Variants in TBX1 observed in about 807,000 individuals in gnomAD.
TBX1 encodes T-box transcription factor TBX1.
A neutral mutation model predicts 40.8 loss-of-function variants in TBX1; 16 were observed. The ratio of observed to expected loss-of-function variants is 0.39; its 90% CI spans 0.27 to 0.60. The LOEUF (loss-of-function observed/expected upper bound fraction) is 0.60, where lower values mean the gene tolerates loss of function less well. TBX1 is among the 20% of genes least tolerant of loss of function. The probability of loss-of-function intolerance (pLI) is 0.51; values close to 1 mark genes in which losing one functional copy is unlikely to be tolerated. For synonymous variants in TBX1, 403 were observed against 336.8 expected, an observed-to-expected ratio of 1.20 and a Z score of -2.15; for missense variants, 755 against 728.5, an observed-to-expected ratio of 1.04 and a Z score of -0.42.
chr22:19,766,060 G>A (rs1005796787), intron 6 of TBX1, 58 bp downstream of exon 6: 4 of 1,372,128 alleles, frequency 2.9e-6, no homozygotes, highest in African/African-American at 1.5e-5. Flanking sequence ...ACCCCGGGCC[G>A]GCGGCCTCGC....
upstream of TBX1, among the ~76,000 whole-genome samples, chr22:19,756,993 ATGGAGGCGG>A (rs1169586132): frequency 6.6e-6 from 1 of 152,158 alleles, no homozygotes; most frequent in South Asian, 2.1e-4. Flanking sequence ...CTGCTGCGCG[ATGGAGGCGG>A]TGGAGGCGGC....
chr22:19,757,894 G>C (rs1294433661), upstream of TBX1, among the ~76,000 whole-genome samples: 4 of 152,200 alleles, frequency 2.6e-5, no homozygotes, highest in Non-Finnish European at 5.9e-5. Context: ...ATGCACTAAG[G>C]ACAGCTTCCC....
chr22:19,770,772 G>A (rs1601299955), downstream of TBX1, among the ~76,000 whole-genome samples: 4 of 152,182 alleles, frequency 2.6e-5, no homozygotes, highest in Admixed American at 2.0e-4. Context: ...AGAATTCCAC[G>A]TAGCCACAGT....
chr22:19,768,327 G>A (rs149112266), downstream of TBX1, among the ~76,000 whole-genome samples: 3 of 152,332 alleles, frequency 2.0e-5, no homozygotes, highest in Admixed American at 1.3e-4. Context: ...CCACCCTCGC[G>A]GACCTGTTTT....
downstream of TBX1, among the ~76,000 whole-genome samples, chr22:19,780,211 C>T (rs1937125959): frequency 6.6e-6 from 1 of 152,214 alleles, no homozygotes; most frequent in African/African-American, 2.4e-5. Context: ...GCAGCCATCA[C>T]CACCAGCCAT....
intron 6 of TBX1, 181 bp downstream of exon 6, chr22:19,766,183 C>T: frequency 1.5e-6 from 1 of 685,092 alleles, no homozygotes. Flanking sequence ...GCGCCCCGCC[C>T]GCCGCCGCCG....
chr22:19,774,734 A>G (rs1937039586), intron 8 of TBX1, among the ~76,000 whole-genome samples: 3 of 152,200 alleles, frequency 2.0e-5, no homozygotes, highest in Admixed American at 2.0e-4. Flanking sequence ...CACATTTTGT[A>G]CTGTACAATT....
Position 19,766,434 on chromosome 22 carries a change from C to A in TBX1, c.1082C>A (p.Pro361Gln). 2 of 1,349,428 alleles carry A rather than the reference C, an allele frequency of 1.5e-6. No individual in the cohort carries two copies. Among genetic ancestry groups the A allele is most frequent in the Non-Finnish European group, 1.9e-6 (2 of 1,045,890 alleles). The allele number at this position is 1,349,428 out of a possible 1,614,324, so 83.6% of individuals were successfully genotyped here. A position where few individuals can be genotyped will look rare whatever the true frequency, so the allele number is the denominator to read the frequency against. ...GAATTCCAGCGCGACGCGGGCGGGC[C>A]AGCAGTGCTCGGGGACCCGGCGCAT... ...RREFQRDAGG[P>Q]AVLGDPAHPP... The change falls in exon 7 of 7, where the codon CCA becomes CAA. Residue 361 changes from proline (P) to glutamine (Q), a missense_variant. Coordinates refer to ENST00000649276, the MANE Select transcript of TBX1 (RefSeq NM_001379200.1).
At chr22:19,758,166 G>C (rs1434971307), upstream of TBX1, among the ~76,000 whole-genome samples, 2 of 152,202 alleles carry the variant, frequency 1.3e-5, no homozygotes, top group Non-Finnish European at 2.9e-5. Context: ...CCCAGGGTCT[G>C]AGGTCCTGAG....
chr22:19,760,679 GT>G (rs1936621171), upstream of TBX1, among the ~76,000 whole-genome samples: 1 of 131,034 alleles, frequency 7.6e-6, no homozygotes, highest in South Asian at 2.5e-4. Flanking sequence ...CCGCGCGGGG[GT>G]GGGGGGGCCC....
At chr22:19,761,322 T>C in intron 1 of TBX1, 42 bp downstream of exon 1, 1 of 1,516,450 alleles carries the variant, frequency 6.6e-7, no homozygotes, top group Non-Finnish European at 8.9e-7. Context: ...CCCCACGTGC[T>C]GCCGCCAGGG....
Position 19,761,292 on chromosome 22 carries a change from C to A in TBX1, c.437+12C>A. 6.5e-7 allele frequency: 1 copy of A among 1,538,706 alleles called. No homozygotes were observed. Among genetic ancestry groups the A allele is most frequent in the Non-Finnish European group, 8.8e-7 (1 of 1,139,620 alleles). On this transcript the variant is annotated intron_variant, in intron 1 of 6. Transcript: ENST00000649276. Reference sequence around the variant, plus strand: ...ACCAAGGCCGGCAGGTCAGGGCGCCCCTCCCCACGCCGCGACCCTCCCCAC... The same window carrying A: ...ACCAAGGCCGGCAGGTCAGGGCGCCACTCCCCACGCCGCGACCCTCCCCAC...
At chr22:19,763,164 G>C in intron 1 of TBX1, 77 bp from the exon 2 acceptor site, 1 of 1,216,100 alleles carries the variant, frequency 8.2e-7, no homozygotes. Flanking sequence ...GCCGAGCAGA[G>C]GGGCCGCCAG....
At chr22:19,780,776 G>GGTTTTT (rs1555898567), downstream of TBX1, among the ~76,000 whole-genome samples, 226 of 119,050 alleles carry the variant, frequency 1.9e-3, 7 homozygotes, top group African/African-American at 7.2e-3. Flanking sequence ...CTTGTTTTCT[G>GGTTTTT]TTTTTTTTTT....
chr22:19,760,601 T>C (rs1230911184), upstream of TBX1, among the ~76,000 whole-genome samples: 2 of 115,050 alleles, frequency 1.7e-5, no homozygotes, highest in South Asian at 3.1e-4. Context: ...GCGGGCGGGC[T>C]GGGGGCCGGG....
chr22:19,760,207 C>A (rs1601280961), upstream of TBX1, among the ~76,000 whole-genome samples: 1 of 111,954 alleles, frequency 8.9e-6, no homozygotes, highest in African/African-American at 3.6e-5. Flanking sequence ...AAAGGAAAGA[C>A]TTTAGTTTTT....
At chr22:19,766,211 C>A in intron 6 of TBX1, 178 bp from the exon 7 acceptor site, 2 of 973,306 alleles carry the variant, frequency 2.1e-6, no homozygotes, top group Non-Finnish European at 2.5e-6. Flanking sequence ...CAGAGGGGCG[C>A]GGGCCCCGGG....
At position 19,764,241 on chromosome 22, in the gene TBX1, C is replaced by T. The variant is rs1468587233; in HGVS notation, c.626C>T (p.Pro209Leu). 6.2e-7 allele frequency: 1 copy of T among 1,613,372 alleles called. No homozygotes were observed. The part of the protein sequence containing the change: ...PGRVHYHPDS[P>L]AKGAQWMKQI... ...CGCGTGCACTACCACCCGGACTCGCCTGCCAAGGGCGCGCAGTGGATGAAG... is the reference window on the plus strand; with the variant it reads ...CGCGTGCACTACCACCCGGACTCGCTTGCCAAGGGCGCGCAGTGGATGAAG... Residue 209 changes from proline (P) to leucine (L), a missense_variant, in exon 3 of 7, where the codon CCT becomes CTT. Physicochemically the swap from Pro to Leu is moderately conservative, Grantham distance 98. This residue lies in a region of TBX1 where 144 missense variants were observed against 238.0 expected (regional missense o/e 0.61). Transcript: ENST00000649276.
chr22:19,767,205 C>T lies in TBX1; in HGVS notation c.*338C>T. On this transcript the variant is annotated 3_prime_UTR_variant, in exon 7 of 7. Transcript: ENST00000649276. ...TCCCCGAGACCGCGTCGCCCGCGGC[C>T]CGGCCGGCAGTTGCAGTGTAGACAG... is the stretch of plus-strand genomic sequence containing the variant. 2 of 1,104,376 alleles carry T rather than the reference C, an allele frequency of 1.8e-6. No homozygotes were observed. Among genetic ancestry groups the T allele is most frequent in the Non-Finnish European group, 2.2e-6 (2 of 907,380 alleles). 68.4% of individuals were successfully genotyped at this position (1,104,376 alleles called of 1,614,324 possible).
Sources: gnomAD v4.1 joint callset for allele counts (sites outside exome capture counted in the v4.1 genomes callset) on GRCh38, gnomAD v4.1.1 for gene constraint, gnomAD v4.1.1 regional missense constraint, MANE v1.5 for transcripts, NCBI Gene and HGNC (gene_info 2026-07-23, HGNC 2026-07-21) for gene names.